Variants in CFAP251 observed in about 807,000 individuals in gnomAD.
The protein encoded by CFAP251 is cilia- and flagella-associated protein 251.
In CFAP251, 93 loss-of-function variants were observed where a neutral mutation model predicts 126.7. That is an observed-to-expected ratio of 0.73 (90% CI 0.62 to 0.87). CFAP251 has a LOEUF of 0.87. Ranked by LOEUF, CFAP251 falls within the 40% of genes least tolerant of loss-of-function variation. The pLI is 0.00. For missense variants in CFAP251, 1,287 were observed against 1,389.2 expected, an observed-to-expected ratio of 0.93 and a Z score of 1.17; for synonymous variants, 503 against 506.9, an observed-to-expected ratio of 0.99 and a Z score of 0.10.
intron 7 of CFAP251, 49 bp from the exon 8 acceptor site, chr12:121,948,935 C>T: frequency 1.7e-6 from 2 of 1,152,414 alleles, no homozygotes; most frequent in Non-Finnish European, 2.5e-6. Flanking sequence ...TCAGCTTAAC[C>T]AGAAACAGAA....
At chr12:121,923,025 G>C (rs1181542482) in intron 2 of CFAP251, among the ~76,000 whole-genome samples, 1 of 151,544 alleles carries the variant, frequency 6.6e-6, no homozygotes, top group Non-Finnish European at 1.5e-5. Context: ...TCGATCTCCT[G>C]ACCTCGTGAT....
At chr12:121,953,709 C>G (rs1288608122) in intron 9 of CFAP251, 3 of 180,380 alleles carry the variant, frequency 1.7e-5, no homozygotes, top group Non-Finnish European at 3.5e-5. Flanking sequence ...ATATTTTCTA[C>G]TGATGGGAAA....
chr12:121,939,716 G>A (rs917398315), intron 5 of CFAP251, among the ~76,000 whole-genome samples: 3 of 152,094 alleles, frequency 2.0e-5, no homozygotes, highest in African/African-American at 4.8e-5. Context: ...ATTATTCAGA[G>A]GCTGTTTTGG....
intron 19 of CFAP251, among the ~76,000 whole-genome samples, chr12:121,977,496 TA>T: frequency 1.3e-5 from 2 of 151,442 alleles, no homozygotes; most frequent in South Asian, 2.1e-4. Flanking sequence ...CTGTCTCTAC[TA>T]AAAAATACAA....
intron 7 of CFAP251, among the ~76,000 whole-genome samples, chr12:121,943,921 C>T (rs1881223513): frequency 6.6e-6 from 1 of 152,124 alleles, no homozygotes; most frequent in Non-Finnish European, 1.5e-5. Context: ...AATAATTTGT[C>T]TAAAATCACC....
intron 9 of CFAP251, 140 bp from the exon 10 acceptor site, chr12:121,953,980 G>C (rs1439852405): frequency 1.2e-6 from 1 of 832,826 alleles, no homozygotes; most frequent in East Asian, 2.7e-5. Context: ...CAATTCATGG[G>C]AGACGGTTTT....
rs377690322 is a variant in CFAP251, at chr12:121,975,259, G to A, written c.2787G>A (p.Ala929=). ...GTTGTTCCAGTGTCCTGGAGGCAGC[G>A]GTTTCTCTTGGGGGTGAAGACTTGA... ...WKITLSVLEA[A]VSLGGEDLTP... The change falls in exon 18 of 22, where the codon GCG becomes GCA. Residue 929 remains alanine (A), a synonymous_variant. Transcript: ENST00000288912. The A allele has an allele frequency of 4.1e-5, 66 of 1,613,906 alleles. No homozygotes were observed. Among genetic ancestry groups the A allele is most frequent in the African/African-American group, 1.1e-4 (8 of 74,922 alleles).
At chr12:121,991,522 C>A (rs538811029) in intron 19 of CFAP251, among the ~76,000 whole-genome samples, 1 of 152,282 alleles carries the variant, frequency 6.6e-6, no homozygotes, top group Admixed American at 6.5e-5. Context: ...CAGACCCTAT[C>A]CCAGACTCAG....
In CFAP251 at chr12:121,962,109, T is replaced by A; in HGVS notation, c.2439T>A (p.Ile813=). The change falls in exon 15 of 22, where the codon ATT becomes ATA. Residue 813 remains isoleucine, a synonymous_variant. Coordinates refer to ENST00000288912, the MANE Select transcript of CFAP251 (RefSeq NM_144668.6). ...TCACCAGGGAACTCTTCCTGCTTAT[T>A]TGCAACAGTGGCTACAAAGTGAAGC... ...PPLTRELFLL[I]CNSGYKVKLF... is the part of the protein sequence containing the mutation. 1.2e-6 allele frequency: 2 copies of A among 1,613,960 alleles called. No homozygotes were observed. Among genetic ancestry groups the A allele is most frequent in the Non-Finnish European group, 8.5e-7 (1 of 1,180,030 alleles).
intron 5 of CFAP251, among the ~76,000 whole-genome samples, chr12:121,936,550 TG>T (rs57283400): frequency 0.21 from 31,373 of 151,942 alleles, 6,851 homozygotes; most frequent in African/African-American, 0.55. Flanking sequence ...CCTAGGCAGT[TG>T]GGGGATACTG....
At chr12:121,927,292 T>G (rs182470281) in intron 3 of CFAP251, among the ~76,000 whole-genome samples, 130 of 152,158 alleles carry the variant, frequency 8.5e-4, no homozygotes, top group African/African-American at 3.1e-3. Flanking sequence ...GTATCTCTAC[T>G]TCCTCTTTTT....
chr12:122,003,393 G>A (rs1018575940), intron 21 of CFAP251, among the ~76,000 whole-genome samples: 1 of 151,860 alleles, frequency 6.6e-6, no homozygotes, highest in Non-Finnish European at 1.5e-5. Flanking sequence ...GTAACATAGC[G>A]AGACCCCATC....
At position 121,968,843 on chromosome 12, in the gene CFAP251, C is replaced by T. The variant is rs994204480; in HGVS notation, c.2771+674C>T. On this transcript the variant is annotated intron_variant, in intron 17 of 21. Coordinates refer to ENST00000288912, the MANE Select transcript of CFAP251 (RefSeq NM_144668.6). ...AAAGCACCTAGTACAGAGCAAAGTA[C>T]TCGGCAAGTGAATGATTTCCTTTCG... 2.5e-5 allele frequency: 24 copies of T among 973,012 alleles called. No homozygotes were observed. In the African/African-American group the frequency reaches 3.9e-4, roughly 16 times the overall value. 60.3% of individuals were successfully genotyped at this position (973,012 alleles called of 1,614,324 possible). A position where few individuals can be genotyped will look rare whatever the true frequency, so the allele number is the denominator to read the frequency against.
Position 121,959,045 on chromosome 12 carries a change from G to C in CFAP251, c.2084G>C (p.Ser695Thr). Reference protein sequence around the residue: ...SPEPFKYSRTSVTHISFSHDS... With the variant: ...SPEPFKYSRTTVTHISFSHDS... Reference sequence around the variant, plus strand: ...GAGCCTTTCAAATATTCCAGAACCAGTGTGACTCATATAAGCTTTTCCCAT... The same window carrying C: ...GAGCCTTTCAAATATTCCAGAACCACTGTGACTCATATAAGCTTTTCCCAT... The change falls in exon 13 of 22, where the codon AGT becomes ACT. Residue 695 changes from serine to threonine, a missense_variant. Coordinates refer to ENST00000288912, the MANE Select transcript of CFAP251 (RefSeq NM_144668.6). 1 of 1,612,046 alleles carries C rather than the reference G, an allele frequency of 6.2e-7. No homozygotes were observed. Among genetic ancestry groups the C allele is most frequent in the Non-Finnish European group, 8.5e-7 (1 of 1,179,504 alleles).
intron 3 of CFAP251, among the ~76,000 whole-genome samples, chr12:121,927,676 T>A (rs1039796404): frequency 2.0e-5 from 3 of 152,154 alleles, no homozygotes; most frequent in Non-Finnish European, 4.4e-5. Context: ...TCACACAAGG[T>A]CCTACAGTGA....
intron 17 of CFAP251, chr12:121,969,874 A>G: frequency 2.0e-6 from 2 of 985,424 alleles, no homozygotes; most frequent in South Asian, 4.7e-5. Flanking sequence ...CTGCTTTCCA[A>G]TAGCTTTCGC....
chr12:121,938,284 A>G (rs181660930), intron 5 of CFAP251, among the ~76,000 whole-genome samples: 1 of 150,840 alleles, frequency 6.6e-6, no homozygotes, highest in East Asian at 2.0e-4. Flanking sequence ...TGGGATTACA[A>G]CTGTAAGCCA....
intron 5 of CFAP251, among the ~76,000 whole-genome samples, chr12:121,935,516 C>T (rs756369916): frequency 3.3e-5 from 5 of 152,236 alleles, no homozygotes; most frequent in Non-Finnish European, 5.9e-5. Context: ...CTCTGCACGG[C>T]TATGGCCGTT....
At chr12:121,984,271 G>C (rs1312130799) in intron 19 of CFAP251, among the ~76,000 whole-genome samples, 1 of 152,040 alleles carries the variant, frequency 6.6e-6, no homozygotes, top group Admixed American at 6.6e-5. Context: ...AAGTGGTCAT[G>C]GTGGGCTGCT....
Sources: gnomAD v4.1 joint callset for allele counts (sites outside exome capture counted in the v4.1 genomes callset) on GRCh38, gnomAD v4.1.1 for gene constraint, MANE v1.5 for transcripts, NCBI Gene and HGNC (gene_info 2026-07-23, HGNC 2026-07-21) for gene names.